DSCAM: variants seen among roughly 807,000 people sequenced by gnomAD.
The protein encoded by DSCAM is DS cell adhesion molecule.
A neutral mutation model predicts 217.7 loss-of-function variants in DSCAM; 47 were observed. The observed-to-expected ratio is 0.22, with a 90% CI of 0.17 to 0.28. The LOEUF is 0.28. DSCAM is among the 10% of genes least tolerant of loss of function. The probability of loss-of-function intolerance (pLI) is 1.00; values close to 1 mark genes in which losing one functional copy is unlikely to be tolerated. For synonymous variants in DSCAM, 1,056 were observed against 1,015.3 expected (o/e 1.04, Z -0.76); for missense variants, 2,080 against 2,618.3 (o/e 0.79, Z 4.49).
rs372855371 is a variant in DSCAM at position 40,085,769 on chromosome 21, C to T, written c.3969-4G>A. On this transcript the variant is annotated splice_polypyrimidine_tract_variant and splice_region_variant and intron_variant, in intron 22 of 32. Transcript: ENST00000400454. ...TACTAGACTGGGTGTCCCGTTACTG[C>T]CTCACAGGAAGAAAAATGCACAGAT... 7 of 1,486,416 alleles carry T rather than the reference C, an allele frequency of 4.7e-6. No individual in the cohort carries two copies. The highest frequency in any genetic ancestry group is 5.4e-6 in the Non-Finnish European group (6 of 1,102,060). The allele number at this position is 1,486,416 out of a possible 1,614,324, so 92.1% of individuals were successfully genotyped here.
At chr21:40,323,039 A>G (rs1158632862) in intron 8 of DSCAM, among the ~76,000 whole-genome samples, 1 of 152,076 alleles carries the variant, frequency 6.6e-6, no homozygotes, top group Non-Finnish European at 1.5e-5. Flanking sequence ...TCACCCAAGG[A>G]CAGGCTCTTT....
At chr21:40,154,858 T>C (rs770553337) in intron 16 of DSCAM, among the ~76,000 whole-genome samples, 3 of 152,244 alleles carry the variant, frequency 2.0e-5, no homozygotes, top group Non-Finnish European at 4.4e-5. Flanking sequence ...AGAATGTTAC[T>C]TGCAGGCTGC....
At chr21:40,505,960 A>C (rs7282270) in intron 3 of DSCAM, among the ~76,000 whole-genome samples, 1 of 152,046 alleles carries the variant, frequency 6.6e-6, no homozygotes, top group Non-Finnish European at 1.5e-5. Flanking sequence ...CATTCAAGAA[A>C]ATGTTCAAAA....
At chr21:40,286,402 C>T (rs1391736459) in intron 10 of DSCAM, among the ~76,000 whole-genome samples, 5 of 152,122 alleles carry the variant, frequency 3.3e-5, no homozygotes, top group East Asian at 3.9e-4. Context: ...CACTCAGGCA[C>T]GAGGCTGGCG....
At chr21:40,163,477 C>T (rs913093868) in intron 16 of DSCAM, among the ~76,000 whole-genome samples, 1 of 152,068 alleles carries the variant, frequency 6.6e-6, no homozygotes, top group Admixed American at 6.5e-5. Context: ...CTTACATTGT[C>T]TTTTGGATTT....
intron 3 of DSCAM, among the ~76,000 whole-genome samples, chr21:40,445,037 C>G (rs2075663302): frequency 6.6e-6 from 1 of 152,182 alleles, no homozygotes; most frequent in South Asian, 2.1e-4. Context: ...CCAGGAGATT[C>G]TGTGTCTGGT....
At chr21:40,086,397 C>A (rs1374225970) in intron 22 of DSCAM, among the ~76,000 whole-genome samples, 1 of 152,178 alleles carries the variant, frequency 6.6e-6, no homozygotes, top group Admixed American at 6.5e-5. Flanking sequence ...GATGAACCAA[C>A]TTTAAATGTA....
chr21:40,103,723 T>C (rs1257609469), intron 20 of DSCAM, among the ~76,000 whole-genome samples: 3 of 151,378 alleles, frequency 2.0e-5, no homozygotes, highest in Non-Finnish European at 2.9e-5. Flanking sequence ...AGACTATGTA[T>C]ATAACTATAT....
chr21:40,445,635 T>G (rs2075668674), intron 3 of DSCAM, among the ~76,000 whole-genome samples: 1 of 152,130 alleles, frequency 6.6e-6, no homozygotes, highest in Non-Finnish European at 1.5e-5. Context: ...ATAGATAAAA[T>G]CTACTACCCT....
rs780858289 is a variant in DSCAM, at chr21:40,078,996, G to C, written c.4421-19C>G. On this transcript the variant is annotated intron_variant, in intron 25 of 32. Transcript: ENST00000400454. ...TGGGGCTCTGGGGGAGAAGGCACAT[G>C]GAGGTCAGCTCACAGGACACATGGG... 1 of 1,610,348 alleles carries C rather than the reference G, an allele frequency of 6.2e-7. No individual in the cohort carries two copies. The highest frequency in any genetic ancestry group is 8.5e-7 in the Non-Finnish European group (1 of 1,178,020).
intron 19 of DSCAM, among the ~76,000 whole-genome samples, chr21:40,130,953 G>A (rs911414820): frequency 5.3e-5 from 8 of 152,146 alleles, no homozygotes; most frequent in African/African-American, 1.7e-4. Flanking sequence ...CAACTGAATC[G>A]GATGCTCGCT....
chr21:40,446,167 A>C, intron 3 of DSCAM, among the ~76,000 whole-genome samples: 1 of 152,248 alleles, frequency 6.6e-6, no homozygotes, highest in South Asian at 2.1e-4. Flanking sequence ...ATAGTAATTT[A>C]GGTTTATTAA....
chr21:40,665,233 T>A (rs1601833065), intron 3 of DSCAM, among the ~76,000 whole-genome samples: 1 of 152,058 alleles, frequency 6.6e-6, no homozygotes, highest in East Asian at 1.9e-4. Flanking sequence ...TCAGAGTGAG[T>A]AGTCAAAAGC....
intron 3 of DSCAM, among the ~76,000 whole-genome samples, chr21:40,411,983 G>C: frequency 6.6e-6 from 1 of 152,150 alleles, no homozygotes; most frequent in East Asian, 1.9e-4. Flanking sequence ...TCGCTTTCCT[G>C]TTCTTGTGGT....
chr21:40,578,263 T>G (rs904794876), intron 3 of DSCAM, among the ~76,000 whole-genome samples: 1 of 152,104 alleles, frequency 6.6e-6, no homozygotes, highest in Non-Finnish European at 1.5e-5. Context: ...AGTTCAAGGA[T>G]GTTCACTGTA....
At chr21:40,463,943 C>G (rs2075824856) in intron 3 of DSCAM, among the ~76,000 whole-genome samples, 1 of 152,232 alleles carries the variant, frequency 6.6e-6, no homozygotes, top group African/African-American at 2.4e-5. Context: ...GACAATCCCC[C>G]TCTAACCTCT....
intron 3 of DSCAM, among the ~76,000 whole-genome samples, chr21:40,461,723 G>A (rs2075807560): frequency 6.6e-6 from 1 of 152,170 alleles, no homozygotes; most frequent in African/African-American, 2.4e-5. Flanking sequence ...TGGGTCCAAG[G>A]TAATCATGAG....
intron 1 of DSCAM, among the ~76,000 whole-genome samples, chr21:40,760,940 G>A (rs2091326869): frequency 6.6e-6 from 1 of 152,186 alleles, no homozygotes. Flanking sequence ...ACACTGGGGA[G>A]CCTGGAGCTG....
At chr21:40,495,747 G>A (rs2076113145) in intron 3 of DSCAM, among the ~76,000 whole-genome samples, 1 of 152,028 alleles carries the variant, frequency 6.6e-6, no homozygotes, top group Non-Finnish European at 1.5e-5. Context: ...AATTGTCACT[G>A]TTTGCAGGCT....
Sources: allele counts gnomAD v4.1 joint callset (sites outside exome capture counted in the v4.1 genomes callset), GRCh38; gene constraint gnomAD v4.1.1; transcripts MANE v1.5; gene names NCBI Gene and HGNC (gene_info 2026-07-23, HGNC 2026-07-21).